GBE1: variants seen among roughly 807,000 people sequenced by gnomAD.
GBE1 encodes 1,4-alpha-glucan branching enzyme 1, also known as 1,4-alpha-glucan-branching enzyme.
In GBE1, 70 loss-of-function variants were observed where a neutral mutation model predicts 88.8. The observed-to-expected ratio is 0.79, with a 90% CI of 0.65 to 0.96. The LOEUF (loss-of-function observed/expected upper bound fraction) is 0.96, where lower values mean the gene tolerates loss of function less well. GBE1 is among the 40% of genes least tolerant of loss of function. The pLI, the probability that GBE1 is intolerant of heterozygous loss-of-function variation, is 0.00. For synonymous variants in GBE1, 284 were observed against 300.1 expected, an observed-to-expected ratio of 0.95 and a Z score of 0.56; for missense variants, 872 against 871.0, an observed-to-expected ratio of 1.00 and a Z score of -0.01.
Position 81,574,018 on chromosome 3 carries a change from C to T in GBE1, c.1618+3907G>A, listed in dbSNP as rs184042288. Among the ~76,000 whole-genome samples, 129 of 152,224 alleles carry T rather than the reference C, an allele frequency of 8.5e-4. 1 individual carries two copies. The highest frequency in any genetic ancestry group is 5.4e-4 in the Non-Finnish European group (37 of 68,020). ...AAAGCTAAGGCTGTTTCAGCAGCATCGTTCAGTAGACATCATTATGACTAA... is the reference window on the plus strand; with the variant it reads ...AAAGCTAAGGCTGTTTCAGCAGCATTGTTCAGTAGACATCATTATGACTAA... On this transcript the variant is annotated intron_variant, in intron 12 of 15. Coordinates refer to ENST00000429644, the MANE Select transcript of GBE1 (RefSeq NM_000158.4).
At chr3:81,599,838 A>G (rs1704008724) in intron 7 of GBE1, among the ~76,000 whole-genome samples, 1 of 152,212 alleles carries the variant, frequency 6.6e-6, no homozygotes, top group African/African-American at 2.4e-5. Flanking sequence ...ACATCATGAC[A>G]AATGTCATAT....
At chr3:81,720,232 T>C (rs772380831) in intron 1 of GBE1, among the ~76,000 whole-genome samples, 4 of 152,000 alleles carry the variant, frequency 2.6e-5, no homozygotes, top group Admixed American at 1.3e-4. Context: ...AAGATCTCTT[T>C]TAATTTATAA....
At chr3:81,497,898 G>A (rs1295400361) in intron 15 of GBE1, among the ~76,000 whole-genome samples, 6 of 152,068 alleles carry the variant, frequency 3.9e-5, no homozygotes, top group Non-Finnish European at 7.4e-5. Context: ...CTTATTTTAC[G>A]TGTCAAAATT....
intron 12 of GBE1, among the ~76,000 whole-genome samples, chr3:81,563,702 A>C (rs1461449674): frequency 6.6e-6 from 1 of 152,106 alleles, no homozygotes; most frequent in Non-Finnish European, 1.5e-5. Flanking sequence ...TGCTTATAAA[A>C]TGCTAGGTAA....
At chr3:81,573,485 A>G (rs1290794540) in intron 12 of GBE1, among the ~76,000 whole-genome samples, 1 of 152,192 alleles carries the variant, frequency 6.6e-6, no homozygotes, top group Non-Finnish European at 1.5e-5. Context: ...AACCTAGTGC[A>G]TGCATTACTA....
rs186185627 is a variant in GBE1, at chr3:81,589,396, A to G, written c.1236+1641T>C. Among the ~76,000 whole-genome samples the G allele has an allele frequency of 2.3e-3, 356 of 151,904 alleles. 3 individuals are homozygous for G. The highest frequency in any genetic ancestry group is 8.2e-3 in the African/African-American group (340 of 41,496). ...ACATTCCTTTTCTTAAAAAAAAAAA[A>G]GTTCATGGGGATCAATTCTACATTT... On this transcript the variant is annotated intron_variant, in intron 9 of 15. Transcript: ENST00000429644.
intron 1 of GBE1, among the ~76,000 whole-genome samples, chr3:81,709,827 G>T (rs1189915094): frequency 6.6e-6 from 1 of 152,056 alleles, no homozygotes; most frequent in Non-Finnish European, 1.5e-5. Context: ...AATGCCTGAG[G>T]ATACAGCAAG....
chr3:81,649,682 C>T (rs1320838879), intron 4 of GBE1, 114 bp downstream of exon 4: 8 of 762,754 alleles, frequency 1.0e-5, no homozygotes, highest in Non-Finnish European at 1.6e-5. Context: ...ATGTAAAATA[C>T]GCAACTGTCA....
At position 81,714,036 on chromosome 3, in the gene GBE1, G is replaced by A. The variant is rs539878695; in HGVS notation, c.144-8423C>T. On this transcript the variant is annotated intron_variant, in intron 1 of 15. Transcript: ENST00000429644. ...AAAGCAAGGAGTAGGACAGCATTAC[G>A]TAAGTTACTGATAAAGACAACCAGA... Among the ~76,000 whole-genome samples, 188 of 152,284 alleles carry A rather than the reference G, an allele frequency of 1.2e-3. 1 individual carries two copies. Among genetic ancestry groups the A allele is most frequent in the Middle Eastern group, 0.01 (3 of 294 alleles).
At chr3:81,597,055 T>G (rs1703965854) in intron 7 of GBE1, among the ~76,000 whole-genome samples, 1 of 151,922 alleles carries the variant, frequency 6.6e-6, no homozygotes, top group African/African-American at 2.4e-5. Flanking sequence ...ATTAGAAATA[T>G]TGTTCAATGT....
At chr3:81,657,075 G>A (rs1192017986) in intron 3 of GBE1, among the ~76,000 whole-genome samples, 1 of 143,326 alleles carries the variant, frequency 7.0e-6, no homozygotes, top group Non-Finnish European at 1.5e-5. Context: ...AGAATTGCTT[G>A]AACCTTTCAG....
At chr3:81,646,304 C>T (rs748336892) in intron 6 of GBE1, 88 bp downstream of exon 6, 159 of 852,254 alleles carry the variant, frequency 1.9e-4, no homozygotes, top group Non-Finnish European at 2.5e-4. Context: ...AAAGGTTACA[C>T]GATGTTATAA....
intron 1 of GBE1, among the ~76,000 whole-genome samples, chr3:81,729,769 G>A (rs1706160811): frequency 6.6e-6 from 1 of 152,070 alleles, no homozygotes; most frequent in African/African-American, 2.4e-5. Flanking sequence ...AGCTGCTAGG[G>A]TTGCAAGAAT....
rs1051798456 is a variant in GBE1, at chr3:81,550,285, C to T, written c.1619-13190G>A. Among the ~76,000 whole-genome samples the T allele has an allele frequency of 1.3e-4, 19 of 151,190 alleles. 2 individuals are homozygous for T. The highest frequency in any genetic ancestry group is 2.7e-4 in the Non-Finnish European group (18 of 67,542). ...TCCAGATATCACCTTTTTTTCAGCA[C>T]TCAATAGTTACGAATGGCTATCACC... On this transcript the variant is annotated intron_variant, in intron 12 of 15. Transcript: ENST00000429644.
At chr3:81,725,298 A>T (rs1706093056) in intron 1 of GBE1, among the ~76,000 whole-genome samples, 1 of 152,114 alleles carries the variant, frequency 6.6e-6, no homozygotes, top group South Asian at 2.1e-4. Context: ...AAGCTGTACA[A>T]ATATATTTTC....
chr3:81,618,049 TA>T (rs1704274506), intron 7 of GBE1, among the ~76,000 whole-genome samples: 1 of 152,020 alleles, frequency 6.6e-6, no homozygotes, highest in African/African-American at 2.4e-5. Context: ...CACAGTGACA[TA>T]AGTTAAAAAT....
At chr3:81,704,564 T>C (rs546276616) in intron 2 of GBE1, among the ~76,000 whole-genome samples, 37 of 152,136 alleles carry the variant, frequency 2.4e-4, no homozygotes, top group African/African-American at 8.4e-4. Context: ...TAAAACGTCA[T>C]AAAAATTGAA....
intron 1 of GBE1, among the ~76,000 whole-genome samples, chr3:81,760,956 A>G (rs1259394174): frequency 2.0e-5 from 3 of 152,282 alleles, no homozygotes; most frequent in Non-Finnish European, 4.4e-5. Context: ...AAAGTTTTAA[A>G]TGCGTAATTA....
chr3:81,642,965 G>T lies in GBE1; in HGVS notation c.808C>A (p.Gln270Lys), dbSNP rs559653237. 21 of 1,611,330 alleles carry T rather than the reference G, an allele frequency of 1.3e-5. No individual in the cohort carries two copies. In the South Asian group the frequency reaches 1.8e-4, roughly 14 times the overall value. The part of the protein sequence containing the change: ...SSRYGTPEEL[Q>K]ELVDTAHSMG... The stretch of plus-strand genomic sequence containing the variant: ...GAATGAGCTGTGTCTACCAGTTCTT[G>T]TAGCTCTTCAGGTGTTCCATAACGG... The change falls in exon 7 of 16, where the codon CAA (glutamine) becomes AAA (lysine). Residue 270 changes from glutamine (Q) to lysine (K), a missense_variant. Transcript: ENST00000429644.
Sources: allele counts gnomAD v4.1 joint callset (sites outside exome capture counted in the v4.1 genomes callset), GRCh38; gene constraint gnomAD v4.1.1; transcripts MANE v1.5; gene names NCBI Gene and HGNC (gene_info 2026-07-23, HGNC 2026-07-21).